Variants in ASPRV1 observed in about 807,000 individuals in gnomAD.
ASPRV1 encodes aspartic peptidase retroviral like 1.
ASPRV1 carries 7 observed loss-of-function variants against 11.0 expected under a neutral mutation model. The ratio of observed to expected loss-of-function variants is 0.64; its 90% CI spans 0.36 to 1.20. ASPRV1 has a LOEUF of 1.20. ASPRV1 is among the 50% of genes most tolerant of loss of function. The pLI is 0.02. For missense variants in ASPRV1, 299 were observed against 320.0 expected (o/e 0.93, Z 0.50); for synonymous variants, 136 against 138.4 (o/e 0.98, Z 0.12).
At chr2:70,080,007 C>T in the ASPRV1 span, among the ~76,000 whole-genome samples, 113 of 152,276 alleles carry the variant, frequency 7.4e-4, no homozygotes, top group African/African-American at 2.4e-3. Context: ...CTTGCTTGTG[C>T]TTAGTAAGTG....
the ASPRV1 span, among the ~76,000 whole-genome samples, chr2:70,068,432 A>C: frequency 3.9e-5 from 6 of 152,186 alleles, no homozygotes; most frequent in Non-Finnish European, 4.4e-5. Context: ...TTTACAGAAA[A>C]AGGAGGCGGC....
the ASPRV1 span, among the ~76,000 whole-genome samples, chr2:70,021,805 C>T: frequency 7.9e-5 from 12 of 151,046 alleles, no homozygotes; most frequent in Non-Finnish European, 1.5e-4. Context: ...CGGGTTCATG[C>T]GATTCTCCTG....
the ASPRV1 span, chr2:70,030,748 GTA>G: frequency 6.6e-6 from 1 of 152,118 alleles, no homozygotes; most frequent in Non-Finnish European, 1.5e-5. Context: ...TGTGGGCAGT[GTA>G]TAAGATACAG....
chr2:70,009,610 G>A, the ASPRV1 span, among the ~76,000 whole-genome samples: 2 of 152,148 alleles, frequency 1.3e-5, no homozygotes, highest in African/African-American at 4.8e-5. Flanking sequence ...GATTACAGGC[G>A]TGAGCCACCA....
the ASPRV1 span, among the ~76,000 whole-genome samples, chr2:70,051,975 C>CA: frequency 3.3e-5 from 5 of 150,152 alleles, no homozygotes; most frequent in Admixed American, 1.3e-4. Flanking sequence ...ACCCTGTCTC[C>CA]AAAAAAAAGG....
the ASPRV1 span, among the ~76,000 whole-genome samples, chr2:70,022,084 G>A: frequency 2.6e-4 from 39 of 150,664 alleles, no homozygotes; most frequent in African/African-American, 8.3e-4. Context: ...GTGCGATCTC[G>A]GCTCACTGCA....
the ASPRV1 span, among the ~76,000 whole-genome samples, chr2:70,074,240 C>G: frequency 6.7e-6 from 1 of 148,990 alleles, no homozygotes; most frequent in African/African-American, 2.5e-5. Flanking sequence ...TTCCTATGAT[C>G]AATTACAGAA....
At chr2:70,027,759 A>C in the ASPRV1 span, among the ~76,000 whole-genome samples, 1 of 152,202 alleles carries the variant, frequency 6.6e-6, no homozygotes, top group Non-Finnish European at 1.5e-5. Flanking sequence ...AAAAGGAATA[A>C]GTTCTAGTAT....
the ASPRV1 span, chr2:69,996,707 C>T: frequency 6.6e-6 from 3 of 456,674 alleles, no homozygotes; most frequent in East Asian, 6.9e-5. Context: ...TGGTTGATGT[C>T]AAGGGTCCAA....
chr2:70,064,133 T>C, the ASPRV1 span: 17 of 152,370 alleles, frequency 1.1e-4, no homozygotes, highest in East Asian at 3.9e-4. Context: ...CCTGGTTTCA[T>C]GGATATGACT....
the ASPRV1 span, among the ~76,000 whole-genome samples, chr2:70,000,814 AAAAGAAAG>A: frequency 4.8e-5 from 7 of 147,222 alleles, no homozygotes; most frequent in South Asian, 4.2e-4. Context: ...AAAAAAAAAA[AAAAGAAAG>A]AAAAAGAAAA....
chr2:69,960,280 G>A lies in ASPRV1; in HGVS notation c.*377C>T. On this transcript the variant is annotated 3_prime_UTR_variant, in exon 1 of 1. Coordinates refer to ENST00000320256, the MANE Select transcript of ASPRV1 (RefSeq NM_152792.4). ...CTAGGACCCAGCCCAACTAAGACAG[G>A]CTTTGAGGACCTGAGAGTGACCAAG... is the stretch of plus-strand genomic sequence containing the variant. 4.9e-6 allele frequency: 1 copy of A among 205,744 alleles called. No homozygotes were observed. Among genetic ancestry groups the A allele is most frequent in the Non-Finnish European group, 9.9e-6 (1 of 100,592 alleles). 12.7% of individuals were successfully genotyped at this position (205,744 alleles called of 1,614,324 possible). A position where few individuals can be genotyped will look rare whatever the true frequency, so the allele number is the denominator to read the frequency against.
chr2:69,951,630 A>G, the ASPRV1 span, among the ~76,000 whole-genome samples: 1 of 151,488 alleles, frequency 6.6e-6, no homozygotes, highest in African/African-American at 2.4e-5. Flanking sequence ...AGACTGACCA[A>G]CGTTTCTGCT....
downstream of ASPRV1, among the ~76,000 whole-genome samples, chr2:69,955,118 A>G (rs1386599072): frequency 6.6e-6 from 1 of 152,214 alleles, no homozygotes. Context: ...CGGTGGACTC[A>G]ATACAGGAGC....
At chr2:70,062,173 C>T in the ASPRV1 span, among the ~76,000 whole-genome samples, 2 of 151,454 alleles carry the variant, frequency 1.3e-5, no homozygotes, top group African/African-American at 2.4e-5. Flanking sequence ...GGCATAGTGG[C>T]GGGTGCCTGT....
chr2:69,989,903 G>T, the ASPRV1 span, among the ~76,000 whole-genome samples: 1 of 152,250 alleles, frequency 6.6e-6, no homozygotes, highest in Non-Finnish European at 1.5e-5. Flanking sequence ...TAAATCAGCG[G>T]TGATGATGAT....
the ASPRV1 span, among the ~76,000 whole-genome samples, chr2:70,043,288 C>T: frequency 6.6e-6 from 1 of 152,000 alleles, no homozygotes; most frequent in Non-Finnish European, 1.5e-5. Flanking sequence ...CGTGGTGGTG[C>T]GCGCCTGTAA....
chr2:69,990,913 G>C, the ASPRV1 span, among the ~76,000 whole-genome samples: 1 of 152,108 alleles, frequency 6.6e-6, no homozygotes, highest in African/African-American at 2.4e-5. Flanking sequence ...GTGTACCCTG[G>C]CAGAGAGGCC....
the ASPRV1 span, among the ~76,000 whole-genome samples, chr2:70,002,067 C>A: frequency 6.6e-6 from 1 of 152,158 alleles, no homozygotes; most frequent in Admixed American, 6.5e-5. Context: ...ATGTGTATCT[C>A]TGACAAATAT....
Sources: gnomAD v4.1 joint callset for allele counts (sites outside exome capture counted in the v4.1 genomes callset) on GRCh38, gnomAD v4.1.1 for gene constraint, MANE v1.5 for transcripts, NCBI Gene and HGNC (gene_info 2026-07-23, HGNC 2026-07-21) for gene names.